Variants in CTCF observed in about 807,000 individuals in gnomAD.
The protein encoded by CTCF is transcriptional repressor CTCF.
A neutral mutation model predicts 72.3 loss-of-function variants in CTCF; 7 were observed. That is an observed-to-expected ratio of 0.10 (90% CI 0.06 to 0.18). The LOEUF (loss-of-function observed/expected upper bound fraction) is 0.18. Ranked by LOEUF, CTCF falls within the 10% of genes least tolerant of loss-of-function variation. CTCF has a pLI of 1.00. For missense variants in CTCF, 516 were observed against 949.1 expected (o/e 0.54, Z 6.00); for synonymous variants, 374 against 315.8 (o/e 1.18, Z -1.95).
At position 67,628,493 on chromosome 16, in the gene CTCF, C is replaced by T. The variant is rs758469698; in HGVS notation, c.1642C>T (p.Pro548Ser). ...CATGCACTTCAAGCGCTATCACGACCCCAACTTCGTCCCTGCGGCTTTTGT... is the reference window on the plus strand; with the variant it reads ...CATGCACTTCAAGCGCTATCACGACTCCAACTTCGTCCCTGCGGCTTTTGT... ...LDMHFKRYHD[P>S]NFVPAAFVCS... The change falls in exon 9 of 12, where the codon CCC (proline) becomes TCC (serine). Residue 548 changes from proline to serine, a missense_variant. By Grantham distance (74) the Pro-to-Ser change is moderately conservative. This residue lies in a region of CTCF where 81 missense variants were observed against 184.3 expected (regional missense o/e 0.44). Transcript: ENST00000264010. The T allele has an allele frequency of 6.2e-7, 1 of 1,614,242 alleles. No homozygotes were observed.
intron 1 of CTCF, 118 bp from the exon 2 acceptor site, chr16:67,571,030 G>A (rs890300364): frequency 9.2e-5 from 14 of 152,126 alleles, no homozygotes; most frequent in Non-Finnish European, 1.5e-4. Context: ...GACATGAACA[G>A]GTGTTTTGTT....
At chr16:67,564,906 C>T (rs958669177) in intron 1 of CTCF, among the ~76,000 whole-genome samples, 4 of 152,106 alleles carry the variant, frequency 2.6e-5, no homozygotes, top group African/African-American at 9.7e-5. Context: ...CTTTGAAATT[C>T]CCATATGCCA....
intron 2 of CTCF, among the ~76,000 whole-genome samples, chr16:67,585,733 A>G (rs2051660796): frequency 6.6e-6 from 1 of 152,164 alleles, no homozygotes. Context: ...CAGAGGTATG[A>G]TACATAACTC....
intron 2 of CTCF, among the ~76,000 whole-genome samples, chr16:67,593,924 G>A (rs781780051): frequency 6.6e-6 from 1 of 152,046 alleles, no homozygotes; most frequent in Non-Finnish European, 1.5e-5. Context: ...ATAAAAGGTT[G>A]TTTTGGTTGT....
chr16:67,608,016 C>A (rs1369791841), intron 2 of CTCF, among the ~76,000 whole-genome samples: 26 of 95,360 alleles, frequency 2.7e-4, no homozygotes, highest in African/African-American at 2.1e-3. Flanking sequence ...GAGACTCCGA[C>A]TCAAAAAAAA....
chr16:67,604,881 ATCTG>A (rs1273644044), intron 2 of CTCF, among the ~76,000 whole-genome samples: 1 of 150,436 alleles, frequency 6.6e-6, no homozygotes, highest in Non-Finnish European at 1.5e-5. Context: ...TCTAAAGATA[ATCTG>A]TCTGAACAGT....
chr16:67,624,009 C>T (rs1197169771), intron 7 of CTCF, among the ~76,000 whole-genome samples: 3 of 145,084 alleles, frequency 2.1e-5, no homozygotes, highest in Non-Finnish European at 4.5e-5. Flanking sequence ...GATCGCGCCA[C>T]GGCACTCCAG....
In CTCF at chr16:67,637,895, A is replaced by G; in HGVS notation, c.*23A>G. 6.3e-7 allele frequency: 1 copy of G among 1,589,580 alleles called. No individual in the cohort carries two copies. The highest frequency in any genetic ancestry group is 8.6e-7 in the Non-Finnish European group (1 of 1,165,824). On this transcript the variant is annotated 3_prime_UTR_variant, in exon 12 of 12. Transcript: ENST00000264010. ...TGATGGCGGAGCCTTGTGCGTCGCC[A>G]GGACTTCTCTGGGCTGTGTTTAAAC...
intron 10 of CTCF, among the ~76,000 whole-genome samples, chr16:67,632,764 C>A (rs1439045829): frequency 6.6e-6 from 1 of 152,212 alleles, no homozygotes; most frequent in Non-Finnish European, 1.5e-5. Context: ...TGACACACTG[C>A]CACCTATCTA....
chr16:67,625,859 T>G (rs1477800855), intron 7 of CTCF, among the ~76,000 whole-genome samples: 1 of 118,444 alleles, frequency 8.4e-6, no homozygotes. Flanking sequence ...TCTTAAGCCC[T>G]CTTCCACTAT....
At chr16:67,608,555 G>T (rs1192121151) in intron 2 of CTCF, among the ~76,000 whole-genome samples, 2 of 152,118 alleles carry the variant, frequency 1.3e-5, no homozygotes, top group Non-Finnish European at 2.9e-5. Context: ...GGGAATTGCT[G>T]TTGAGTGGGT....
At chr16:67,636,074 A>T (rs2142885343) in intron 10 of CTCF, among the ~76,000 whole-genome samples, 1 of 152,320 alleles carries the variant, frequency 6.6e-6, no homozygotes, top group East Asian at 1.9e-4. Flanking sequence ...TCTACAAAAA[A>T]TACAAAGATT....
At chr16:67,628,073 C>T (rs572258379) in intron 8 of CTCF, among the ~76,000 whole-genome samples, 2 of 151,582 alleles carry the variant, frequency 1.3e-5, no homozygotes, top group Middle Eastern at 3.4e-3. Flanking sequence ...CCATCCTGGG[C>T]GATAGAGCGA....
At chr16:67,624,002 C>T (rs999441656) in intron 7 of CTCF, among the ~76,000 whole-genome samples, 2 of 147,638 alleles carry the variant, frequency 1.4e-5, no homozygotes, top group South Asian at 4.2e-4. Context: ...GAGCGGAGAT[C>T]GCGCCACGGC....
chr16:67,613,020 G>A (rs1379710267), intron 4 of CTCF, among the ~76,000 whole-genome samples: 4 of 152,138 alleles, frequency 2.6e-5, no homozygotes, highest in Non-Finnish European at 4.4e-5. Context: ...AAAAGCTAAG[G>A]CACCATTCTG....
chr16:67,590,049 T>G (rs565043996), intron 2 of CTCF, among the ~76,000 whole-genome samples: 1 of 151,860 alleles, frequency 6.6e-6, no homozygotes, highest in East Asian at 1.9e-4. Flanking sequence ...ATGGCGCCAT[T>G]GCACTCCAGA....
rs143508499 is a variant in CTCF, at chr16:67,637,715, A to G, written c.2027A>G (p.Gln676Arg). The G allele has an allele frequency of 2.3e-4, 372 of 1,613,552 alleles. No individual in the cohort carries two copies. Among genetic ancestry groups the G allele is most frequent in the Non-Finnish European group, 3.0e-4 (349 of 1,179,754 alleles). ...ACAGCTATCATTCAGGTTGAAGACC[A>G]GAATACAGGTGCAATTGAGAACATT... Reference protein sequence around the residue: ...QPTAIIQVEDQNTGAIENIIV... With the variant: ...QPTAIIQVEDRNTGAIENIIV... Residue 676 changes from glutamine to arginine, a missense_variant, in exon 12 of 12, where the codon CAG becomes CGG. Transcript: ENST00000264010.
In CTCF at chr16:67,562,621, G is replaced by T; in HGVS notation, c.-230G>T. 6.5e-6 allele frequency: 1 copy of T among 152,886 alleles called. No individual in the cohort carries two copies. The highest frequency in any genetic ancestry group is 1.8e-4 in the South Asian group (1 of 5,534). The allele number at this position is 152,886 out of a possible 1,614,324, so 9.5% of individuals were successfully genotyped here. ...GAGCTGCTTCTTTGGCGGCAGCGGC[G>T]GCGGCGGTGGCCGGTGCGGACGCGC... On this transcript the variant is annotated 5_prime_UTR_variant, in exon 1 of 12. Transcript: ENST00000264010.
intron 1 of CTCF, chr16:67,563,708 T>C (rs745309661): frequency 5.3e-5 from 8 of 152,238 alleles, no homozygotes; most frequent in Non-Finnish European, 4.4e-5. Flanking sequence ...GAAACTTAAA[T>C]TTCATTCTGA....
Sources: allele counts gnomAD v4.1 joint callset (sites outside exome capture counted in the v4.1 genomes callset), GRCh38; gene constraint gnomAD v4.1.1; regional missense constraint gnomAD v4.1.1; transcripts MANE v1.5; gene names NCBI Gene and HGNC (gene_info 2026-07-23, HGNC 2026-07-21).